STRBP: variants seen among roughly 807,000 people sequenced by gnomAD.
STRBP encodes the protein spermatid perinuclear RNA-binding protein.
STRBP carries 13 observed loss-of-function variants against 80.1 expected under a neutral mutation model. That is an observed-to-expected ratio of 0.16 (90% CI 0.11 to 0.26). STRBP has a LOEUF of 0.26. Ranked by LOEUF, STRBP falls within the 10% of genes least tolerant of loss-of-function variation. The pLI is 1.00. For synonymous variants in STRBP, 284 were observed against 291.2 expected (o/e 0.98, Z 0.25); for missense variants, 485 against 815.2 (o/e 0.59, Z 4.93).
chr9:123,266,215 G>A (rs770615002), intron 1 of STRBP, among the ~76,000 whole-genome samples: 3 of 151,992 alleles, frequency 2.0e-5, no homozygotes, highest in Admixed American at 6.6e-5. Flanking sequence ...CTGTCCACTC[G>A]TCAAACCAAT....
intron 2 of STRBP, among the ~76,000 whole-genome samples, chr9:123,195,497 A>C (rs1332124581): frequency 6.6e-6 from 1 of 152,256 alleles, no homozygotes; most frequent in Non-Finnish European, 1.5e-5. Flanking sequence ...AAATTCAGTA[A>C]AGTTGCAGGA....
At chr9:123,116,602 G>C (rs1475518444) in intron 2 of STRBP, among the ~76,000 whole-genome samples, 1 of 152,182 alleles carries the variant, frequency 6.6e-6, no homozygotes, top group East Asian at 1.9e-4. Context: ...AGGGAGATGT[G>C]GGTTGGTTTT....
At chr9:123,162,873 A>C (rs779946321) in intron 6 of STRBP, among the ~76,000 whole-genome samples, 2 of 152,244 alleles carry the variant, frequency 1.3e-5, no homozygotes, top group Non-Finnish European at 2.9e-5. Context: ...AAAATATACA[A>C]GTAGCTCACT....
chr9:123,195,305 C>G (rs989789762), intron 2 of STRBP, among the ~76,000 whole-genome samples: 2 of 152,102 alleles, frequency 1.3e-5, no homozygotes, highest in African/African-American at 4.8e-5. Context: ...GTTACCTATA[C>G]CTTACAACAC....
At chr9:123,153,859 G>A (rs1329667470) in intron 11 of STRBP, among the ~76,000 whole-genome samples, 1 of 152,178 alleles carries the variant, frequency 6.6e-6, no homozygotes, top group African/African-American at 2.4e-5. Flanking sequence ...TCAGTGTAAA[G>A]AGAAAGGGTC....
chr9:123,209,143 C>T (rs574724481), intron 2 of STRBP, among the ~76,000 whole-genome samples: 1 of 152,280 alleles, frequency 6.6e-6, no homozygotes, highest in South Asian at 2.1e-4. Flanking sequence ...TTGTTTATGG[C>T]AAGAAGGCTA....
chr9:123,250,808 C>G (rs772855692), intron 1 of STRBP, among the ~76,000 whole-genome samples: 2 of 152,156 alleles, frequency 1.3e-5, no homozygotes, highest in Non-Finnish European at 2.9e-5. Flanking sequence ...AATCACTTAG[C>G]TATATGATCT....
At chr9:123,238,736 GTCTT>G (rs779287865) in intron 1 of STRBP, among the ~76,000 whole-genome samples, 13 of 152,186 alleles carry the variant, frequency 8.5e-5, no homozygotes, top group African/African-American at 2.4e-4. Flanking sequence ...AATTTGCCCT[GTCTT>G]TCTAACAATA....
At chr9:123,169,314 G>A (rs968565833) in intron 6 of STRBP, among the ~76,000 whole-genome samples, 14 of 151,768 alleles carry the variant, frequency 9.2e-5, no homozygotes, top group Non-Finnish European at 1.6e-4. Flanking sequence ...GATTACAGGC[G>A]CCCACCACCA....
chr9:123,116,155 A>G, intron 2 of STRBP: 2 of 454,908 alleles, frequency 4.4e-6, no homozygotes, highest in Non-Finnish European at 8.8e-6. Context: ...TCATGATGGA[A>G]GAATCCAAGG....
At chr9:123,182,984 C>A (rs1249175615) in intron 3 of STRBP, among the ~76,000 whole-genome samples, 1 of 145,178 alleles carries the variant, frequency 6.9e-6, no homozygotes, top group African/African-American at 2.6e-5. Flanking sequence ...CACTGCACTC[C>A]AGCCTGGAGG....
chr9:123,180,169 T>A (rs976687161), intron 3 of STRBP, among the ~76,000 whole-genome samples: 4 of 152,098 alleles, frequency 2.6e-5, no homozygotes, highest in Admixed American at 6.6e-5. Context: ...GGCAGGAGGA[T>A]CCTTAGAGCC....
intron 2 of STRBP, among the ~76,000 whole-genome samples, chr9:123,190,552 C>T (rs923784515): frequency 1.1e-4 from 17 of 151,934 alleles, no homozygotes; most frequent in Non-Finnish European, 2.4e-4. Flanking sequence ...GTTCCAAATT[C>T]CGGCTATTCC....
intron 1 of STRBP, among the ~76,000 whole-genome samples, chr9:123,246,058 A>T (rs2040793974): frequency 6.6e-6 from 1 of 152,224 alleles, no homozygotes; most frequent in Admixed American, 6.5e-5. Context: ...ACAAAAATGG[A>T]TATATTAATC....
chr9:123,265,280 C>T (rs1452232253), intron 1 of STRBP, among the ~76,000 whole-genome samples: 1 of 152,000 alleles, frequency 6.6e-6, no homozygotes, highest in African/African-American at 2.4e-5. Context: ...GCAAGATTCC[C>T]ACTTCCACTC....
rs2036358425 is a variant in STRBP, at chr9:123,136,503, C to T, written c.1510G>A (p.Gly504Ser). ...TTGCCACTTGCTGTGAGGATAGGGC[C>T]CTGAGTTCTTACCTATAAGAGAAAG... The part of the protein sequence containing the change: ...TSSTLEVRTQ[G>S]PILTASGKNP... Residue 504 changes from glycine to serine, a missense_variant, in exon 15 of 19, where the codon GGC becomes AGC. Transcript: ENST00000348403. This position sits in a 1 kb window ranked among gnomAD's most constrained non-coding sequence, Gnocchi z 4.2. The T allele has an allele frequency of 1.2e-6, 2 of 1,613,748 alleles. No individual in the cohort carries two copies. The highest frequency in any genetic ancestry group is 1.7e-6 in the Non-Finnish European group (2 of 1,179,920).
intron 13 of STRBP, among the ~76,000 whole-genome samples, 172 bp downstream of exon 13, chr9:123,146,683 A>AT (rs1316320089): frequency 6.6e-6 from 1 of 151,780 alleles, no homozygotes; most frequent in Non-Finnish European, 1.5e-5. Flanking sequence ...AGACTACCAC[A>AT]TATTATTTTA....
At chr9:123,138,782 G>A (rs577927032) in intron 14 of STRBP, among the ~76,000 whole-genome samples, 1 of 152,152 alleles carries the variant, frequency 6.6e-6, no homozygotes, top group Non-Finnish European at 1.5e-5. Context: ...GCACTAAGCA[G>A]GTATTAAAAG....
chr9:123,122,537 G>A lies in STRBP; in HGVS notation c.*3060C>T. ...TTGAGAGAGACTACAAACGACTTCA[G>A]AACTATATAAACTCAACTCCTTACT... On this transcript the variant is annotated 3_prime_UTR_variant, in exon 19 of 19. Coordinates refer to ENST00000348403, the MANE Select transcript of STRBP (RefSeq NM_018387.5). 1 of 1,164,390 alleles carries A rather than the reference G, an allele frequency of 8.6e-7. No individual in the cohort carries two copies. Among genetic ancestry groups the A allele is most frequent in the Non-Finnish European group, 1.1e-6 (1 of 933,534 alleles). 72.1% of individuals were successfully genotyped at this position (1,164,390 alleles called of 1,614,324 possible). A position where few individuals can be genotyped will look rare whatever the true frequency, so the allele number is the denominator to read the frequency against.
Sources: allele counts gnomAD v4.1 joint callset (sites outside exome capture counted in the v4.1 genomes callset), GRCh38; gene constraint gnomAD v4.1.1; non-coding constraint Gnocchi (gnomAD v3.1); transcripts MANE v1.5; gene names NCBI Gene and HGNC (gene_info 2026-07-23, HGNC 2026-07-21).